Variants in LRRTM4 observed in about 807,000 individuals in gnomAD.
The protein encoded by LRRTM4 is leucine rich repeat transmembrane neuronal 4.
Under a neutral mutation model 47.6 loss-of-function variants are expected in LRRTM4, and 25 were observed. The ratio of observed to expected loss-of-function variants is 0.53; its 90% CI spans 0.38 to 0.73. The LOEUF (loss-of-function observed/expected upper bound fraction) is 0.73. LRRTM4 is among the 30% of genes least tolerant of loss of function. LRRTM4 has a pLI of 0.00. For synonymous variants in LRRTM4, 311 were observed against 269.5 expected, an observed-to-expected ratio of 1.15 and a Z score of -1.51; for missense variants, 638 against 713.4, an observed-to-expected ratio of 0.89 and a Z score of 1.20.
intron 3 of LRRTM4, among the ~76,000 whole-genome samples, chr2:77,063,703 G>C (rs907640085): frequency 6.6e-6 from 1 of 151,762 alleles, no homozygotes; most frequent in Non-Finnish European, 1.5e-5. Context: ...CATTATTTTT[G>C]GTCAAAATTA....
At chr2:76,748,944 G>T (rs2104045403) in intron 3 of LRRTM4, 28 bp from the exon 4 acceptor site, 1 of 1,586,348 alleles carries the variant, frequency 6.3e-7, no homozygotes, top group Non-Finnish European at 8.6e-7. Context: ...AAAGATGGGT[G>T]GATTATAAAA....
At chr2:76,765,544 T>C (rs2104095577) in intron 3 of LRRTM4, among the ~76,000 whole-genome samples, 1 of 152,240 alleles carries the variant, frequency 6.6e-6, no homozygotes, top group East Asian at 1.9e-4. Context: ...CCACTAGAAT[T>C]AGTGCCCTTA....
intron 3 of LRRTM4, among the ~76,000 whole-genome samples, chr2:77,328,055 C>T (rs543518429): frequency 1.9e-4 from 29 of 152,204 alleles, no homozygotes; most frequent in African/African-American, 6.7e-4. Flanking sequence ...TATCAAAATA[C>T]GTGTGTTGAG....
intron 3 of LRRTM4, among the ~76,000 whole-genome samples, chr2:77,404,329 T>C (rs1442921420): frequency 6.6e-6 from 1 of 152,084 alleles, no homozygotes; most frequent in African/African-American, 2.4e-5. Flanking sequence ...AATTTTCCCA[T>C]CATCTTTTTT....
Position 77,434,245 on chromosome 2 carries a change from GA to G in LRRTM4, c.1551+84072del, listed in dbSNP as rs34666020. On this transcript the variant is annotated intron_variant, in intron 3 of 3. Transcript: ENST00000409884. ...TTTTTTTTATCAGATCCCAGATTGG[GA>G]AAAAAAAAAAAAGTTTTCCACATGT... Among the ~76,000 whole-genome samples, 275 of 144,356 alleles carry G rather than the reference GA, an allele frequency of 1.9e-3. 3 individuals are homozygous for G. Among genetic ancestry groups the G allele is most frequent in the African/African-American group, 5.0e-3 (198 of 39,216 alleles). 94.7% of individuals were successfully genotyped at this position (144,356 alleles called of 152,430 possible). A position where few individuals can be genotyped will look rare whatever the true frequency, so the allele number is the denominator to read the frequency against.
chr2:76,917,267 G>T (rs187493132), intron 3 of LRRTM4, among the ~76,000 whole-genome samples: 1 of 152,160 alleles, frequency 6.6e-6, no homozygotes, highest in Non-Finnish European at 1.5e-5. Context: ...GGCCTGTGGA[G>T]TGTAGCTTCA....
Position 77,285,353 on chromosome 2 carries a change from T to TATATATATAC in LRRTM4, c.1551+232964_1551+232965insGTATATATAT, listed in dbSNP as rs1553422175. 4.6e-4 allele frequency among the ~76,000 whole-genome samples: 66 copies of TATATATATAC among 142,110 alleles called. 3 individuals are homozygous for TATATATATAC. The highest frequency in any genetic ancestry group is 1.5e-3 in the African/African-American group (61 of 39,510). 93.2% of individuals were successfully genotyped at this position (142,110 alleles called of 152,430 possible). A position where few individuals can be genotyped will look rare whatever the true frequency, so the allele number is the denominator to read the frequency against. On this transcript the variant is annotated intron_variant, in intron 3 of 3. Transcript: ENST00000409884. The stretch of plus-strand genomic sequence containing the variant: ...TCAGCATTAAATTTATATATATATA[T>TATATATATAC]ATATATATATGGCCAATAGAAATGC...
chr2:77,249,063 T>G (rs112454449), intron 3 of LRRTM4, among the ~76,000 whole-genome samples: 1 of 152,012 alleles, frequency 6.6e-6, no homozygotes, highest in African/African-American at 2.4e-5. Flanking sequence ...AATTAAAAAT[T>G]TGGGGGCCTG....
chr2:77,103,647 GTATATA>G (rs367583554), intron 3 of LRRTM4, among the ~76,000 whole-genome samples: 2 of 124,118 alleles, frequency 1.6e-5, no homozygotes, highest in Non-Finnish European at 3.2e-5. Context: ...ATACATGAGT[GTATATA>G]TATATATATA....
At chr2:77,345,939 T>C (rs1263872740) in intron 3 of LRRTM4, among the ~76,000 whole-genome samples, 1 of 151,800 alleles carries the variant, frequency 6.6e-6, no homozygotes, top group African/African-American at 2.4e-5. Context: ...TTTAAAATCA[T>C]AAACATTGAA....
At chr2:76,952,506 T>A (rs1030606182) in intron 3 of LRRTM4, among the ~76,000 whole-genome samples, 1 of 151,854 alleles carries the variant, frequency 6.6e-6, no homozygotes, top group African/African-American at 2.4e-5. Flanking sequence ...CTCACACCAG[T>A]CAGAATGGCT....
chr2:76,922,378 G>A (rs114375444), intron 3 of LRRTM4, among the ~76,000 whole-genome samples: 1,701 of 152,104 alleles, frequency 0.011, 15 homozygotes, highest in South Asian at 0.026. Flanking sequence ...GAGAGAGAGC[G>A]TGCACAAAGT....
At position 77,079,032 on chromosome 2, in the gene LRRTM4, C is replaced by T. The variant is rs143857723; in HGVS notation, c.1552-330116G>A. Among the ~76,000 whole-genome samples the T allele has an allele frequency of 2.7e-3, 414 of 152,206 alleles. 6 individuals are homozygous for T. The highest frequency in any genetic ancestry group is 8.6e-3 in the African/African-American group (356 of 41,518). ...CATTCATATAAGGACTAAGGCCTCG[C>T]GATCTAACACTTCCCCCAAAGCTCC... is the stretch of plus-strand genomic sequence containing the variant. On this transcript the variant is annotated intron_variant, in intron 3 of 3. Coordinates refer to ENST00000409884, the MANE Select transcript of LRRTM4 (RefSeq NM_001134745.3).
intron 3 of LRRTM4, among the ~76,000 whole-genome samples, chr2:77,133,785 G>A (rs1671862941): frequency 6.6e-6 from 1 of 152,176 alleles, no homozygotes; most frequent in African/African-American, 2.4e-5. Flanking sequence ...GCCATTGAAT[G>A]TCACCTTGAC....
chr2:77,130,470 ATTAT>A (rs1671764667), intron 3 of LRRTM4, among the ~76,000 whole-genome samples: 1 of 152,050 alleles, frequency 6.6e-6, no homozygotes, highest in African/African-American at 2.4e-5. Flanking sequence ...AACTAATGTT[ATTAT>A]TTTTGTTTGT....
At chr2:77,115,234 C>A (rs1671357248) in intron 3 of LRRTM4, among the ~76,000 whole-genome samples, 1 of 152,178 alleles carries the variant, frequency 6.6e-6, no homozygotes, top group African/African-American at 2.4e-5. Flanking sequence ...TGGCTCTATT[C>A]TGCTCGACCC....
At chr2:77,156,139 C>A (rs1238390088) in intron 3 of LRRTM4, among the ~76,000 whole-genome samples, 5 of 151,874 alleles carry the variant, frequency 3.3e-5, no homozygotes, top group Non-Finnish European at 7.4e-5. Context: ...GGGAAGGCTG[C>A]ATTAAACAGG....
intron 3 of LRRTM4, among the ~76,000 whole-genome samples, chr2:76,821,037 G>T (rs1041654833): frequency 2.6e-5 from 4 of 151,612 alleles, no homozygotes; most frequent in Admixed American, 6.6e-5. Flanking sequence ...CTGTGCAAGG[G>T]TCTATATTCC....
At chr2:77,316,712 T>C (rs1292028624) in intron 3 of LRRTM4, among the ~76,000 whole-genome samples, 2 of 152,026 alleles carry the variant, frequency 1.3e-5, no homozygotes, top group African/African-American at 2.4e-5. Flanking sequence ...CACACCTACA[T>C]TTTTTGGATA....
Sources: gnomAD v4.1 joint callset for allele counts (sites outside exome capture counted in the v4.1 genomes callset) on GRCh38, gnomAD v4.1.1 for gene constraint, MANE v1.5 for transcripts, NCBI Gene and HGNC (gene_info 2026-07-23, HGNC 2026-07-21) for gene names.